Variants in SGCZ observed in about 807,000 individuals in gnomAD.
SGCZ encodes zeta-sarcoglycan.
SGCZ carries 40 observed loss-of-function variants against 41.3 expected under a neutral mutation model. That is an observed-to-expected ratio of 0.97 (90% CI 0.75 to 1.26). The LOEUF (loss-of-function observed/expected upper bound fraction) is 1.26. Among genes scored for constraint, SGCZ ranks in the 50% most tolerant of loss-of-function variants. The pLI, the probability that SGCZ is intolerant of heterozygous loss-of-function variation, is 0.00. For missense variants in SGCZ, 552 were observed against 369.8 expected (o/e 1.49, Z -4.04); for synonymous variants, 206 against 137.5 (o/e 1.50, Z -3.49).
At chr8:14,435,027 T>G (rs13266385) in intron 2 of SGCZ, among the ~76,000 whole-genome samples, 2 of 152,074 alleles carry the variant, frequency 1.3e-5, no homozygotes, top group African/African-American at 4.8e-5. Context: ...CCAATTTTGT[T>G]AATACTAAAA....
chr8:14,283,106 T>C (rs113292881), intron 3 of SGCZ, among the ~76,000 whole-genome samples: 2,638 of 151,974 alleles, frequency 0.017, 34 homozygotes, highest in African/African-American at 0.038. Flanking sequence ...GCCTCGGCCT[T>C]CCAAAGTGCT....
At chr8:15,038,873 C>T (rs1168321976) in intron 1 of SGCZ, among the ~76,000 whole-genome samples, 1 of 146,524 alleles carries the variant, frequency 6.8e-6, no homozygotes, top group Admixed American at 6.8e-5. Context: ...AAAAGATATG[C>T]GAAAAACTGC....
chr8:14,256,539 T>C (rs1799471752), intron 3 of SGCZ, among the ~76,000 whole-genome samples: 2 of 146,600 alleles, frequency 1.4e-5, no homozygotes, highest in Admixed American at 6.9e-5. Context: ...CTATGAGTTT[T>C]TGATGTTCAG....
At position 14,629,615 on chromosome 8, in the gene SGCZ, T is replaced by C. The variant is rs191756515; in HGVS notation, c.40-74689A>G. On this transcript the variant is annotated intron_variant, in intron 1 of 7. Transcript: ENST00000382080. ...AGTGACTTGTTGGAATCTCTATGTA[T>C]GCATGCAAATGAAAGACCTCTGGCA... 5.2e-3 allele frequency among the ~76,000 whole-genome samples: 784 copies of C among 152,216 alleles called. 7 individuals carry two copies. Among genetic ancestry groups the C allele is most frequent in the African/African-American group, 0.016 (658 of 41,560 alleles).
chr8:14,607,383 T>G (rs979642997), intron 1 of SGCZ, among the ~76,000 whole-genome samples: 4 of 152,192 alleles, frequency 2.6e-5, no homozygotes, highest in Non-Finnish European at 5.9e-5. Context: ...GAATCTCTTT[T>G]CTAAAGTGTC....
At chr8:14,916,684 G>A (rs1240023701) in intron 1 of SGCZ, among the ~76,000 whole-genome samples, 1 of 152,102 alleles carries the variant, frequency 6.6e-6, no homozygotes, top group Non-Finnish European at 1.5e-5. Context: ...ACCAGATCTT[G>A]TTTTCACTTT....
At chr8:14,176,448 A>G (rs1217688873) in intron 4 of SGCZ, among the ~76,000 whole-genome samples, 5 of 152,218 alleles carry the variant, frequency 3.3e-5, no homozygotes, top group Non-Finnish European at 7.3e-5. Context: ...AGTGTTTCAA[A>G]CTGAATAATT....
chr8:14,784,597 T>G (rs534967145), intron 1 of SGCZ, among the ~76,000 whole-genome samples: 50 of 152,040 alleles, frequency 3.3e-4, no homozygotes, highest in African/African-American at 1.1e-3. Context: ...AGGAGAATGA[T>G]AAGATGCATG....
Position 14,655,344 on chromosome 8 carries a change from G to C in SGCZ, c.40-100418C>G, listed in dbSNP as rs571158486. Among the ~76,000 whole-genome samples, 11 of 152,128 alleles carry C rather than the reference G, an allele frequency of 7.2e-5. No homozygotes were observed. The South Asian group carries it at 2.3e-3, about 32-fold the overall frequency. ...ATATAAAGTATCAAAATATTTAATT[G>C]AAATAAAAATGCAGCCACTGATTTT... is the stretch of plus-strand genomic sequence containing the variant. On this transcript the variant is annotated intron_variant, in intron 1 of 7. Transcript: ENST00000382080.
At chr8:14,885,044 T>G (rs2130730911) in intron 1 of SGCZ, among the ~76,000 whole-genome samples, 1 of 152,288 alleles carries the variant, frequency 6.6e-6, no homozygotes, top group East Asian at 1.9e-4. Context: ...TGTATTTTAT[T>G]TCTGTTTTCA....
chr8:14,555,339 C>A (rs573882560), intron 1 of SGCZ, among the ~76,000 whole-genome samples: 3 of 152,038 alleles, frequency 2.0e-5, no homozygotes, highest in East Asian at 1.9e-4. Flanking sequence ...TGGCTCCTGG[C>A]GAAAGGTGAT....
At chr8:14,440,985 G>A (rs956464657) in intron 2 of SGCZ, among the ~76,000 whole-genome samples, 1 of 151,906 alleles carries the variant, frequency 6.6e-6, no homozygotes, top group African/African-American at 2.4e-5. Context: ...TGAAAAGGGG[G>A]TTTTGTGTGT....
chr8:14,867,243 G>A (rs977639497), intron 1 of SGCZ, among the ~76,000 whole-genome samples: 8 of 152,038 alleles, frequency 5.3e-5, no homozygotes, highest in Non-Finnish European at 1.0e-4. Context: ...GTAGGATAAT[G>A]GTCTCGATCT....
chr8:14,635,606 T>A (rs2117410482), intron 1 of SGCZ, among the ~76,000 whole-genome samples: 1 of 151,926 alleles, frequency 6.6e-6, no homozygotes, highest in South Asian at 2.1e-4. Flanking sequence ...AGGTAAAATT[T>A]CACATATTCT....
At chr8:14,456,769 G>A (rs1378329797) in intron 2 of SGCZ, among the ~76,000 whole-genome samples, 1 of 152,196 alleles carries the variant, frequency 6.6e-6, no homozygotes, top group Non-Finnish European at 1.5e-5. Context: ...AATGCTGGAG[G>A]TAGGACCTGT....
At chr8:14,119,151 G>A (rs934339770) in intron 5 of SGCZ, among the ~76,000 whole-genome samples, 1 of 152,084 alleles carries the variant, frequency 6.6e-6, no homozygotes, top group African/African-American at 2.4e-5. Flanking sequence ...ATTACTTTGG[G>A]CACTATGGAC....
chr8:15,056,225 C>G (rs1387754202), intron 1 of SGCZ, among the ~76,000 whole-genome samples: 1 of 152,148 alleles, frequency 6.6e-6, no homozygotes, highest in Non-Finnish European at 1.5e-5. Flanking sequence ...ATCTAAGTAT[C>G]CTTTGGAGCT....
intron 1 of SGCZ, among the ~76,000 whole-genome samples, chr8:14,561,611 G>T (rs758687148): frequency 2.0e-5 from 3 of 152,142 alleles, no homozygotes; most frequent in Middle Eastern, 3.4e-3. Flanking sequence ...GCATTCATTA[G>T]AATCAAATGA....
chr8:14,316,161 C>G (rs1042097412), intron 3 of SGCZ, among the ~76,000 whole-genome samples: 6 of 151,040 alleles, frequency 4.0e-5, no homozygotes, highest in Admixed American at 1.3e-4. Flanking sequence ...ATGTATAGGA[C>G]CAAACTTAAA....
Sources: gnomAD v4.1 joint callset for allele counts (sites outside exome capture counted in the v4.1 genomes callset) on GRCh38, gnomAD v4.1.1 for gene constraint, MANE v1.5 for transcripts, NCBI Gene and HGNC (gene_info 2026-07-23, HGNC 2026-07-21) for gene names.